Variants in HTR1F observed in about 807,000 individuals in gnomAD.
HTR1F encodes the protein 5-hydroxytryptamine receptor 1F.
In HTR1F, 17 loss-of-function variants were observed where a neutral mutation model predicts 24.0. The observed-to-expected ratio is 0.71, with a 90% CI of 0.48 to 1.06. The LOEUF (loss-of-function observed/expected upper bound fraction) is 1.06, where lower values mean the gene tolerates loss of function less well. Ranked by LOEUF, HTR1F falls within the 50% of genes least tolerant of loss-of-function variation. The pLI, the probability that HTR1F is intolerant of heterozygous loss-of-function variation, is 0.00. For missense variants in HTR1F, 391 were observed against 427.8 expected, an observed-to-expected ratio of 0.91 and a Z score of 0.76; for synonymous variants, 186 against 156.8, an observed-to-expected ratio of 1.19 and a Z score of -1.39.
chr3:87,882,309 G>A (rs536173115), intron 2 of HTR1F, among the ~76,000 whole-genome samples: 1 of 152,294 alleles, frequency 6.6e-6, no homozygotes, highest in African/African-American at 2.4e-5. Context: ...TGATTCCTCA[G>A]GGATCTAGAA....
At chr3:87,953,847 T>C (rs1326470814) in intron 2 of HTR1F, among the ~76,000 whole-genome samples, 1 of 151,868 alleles carries the variant, frequency 6.6e-6, no homozygotes, top group Non-Finnish European at 1.5e-5. Context: ...TGGACCATTA[T>C]TCAGTCATTA....
chr3:87,919,407 A>C (rs1703963675), intron 2 of HTR1F, among the ~76,000 whole-genome samples: 1 of 152,144 alleles, frequency 6.6e-6, no homozygotes, highest in South Asian at 2.1e-4. Flanking sequence ...TTTGCACGGC[A>C]AAAGGAATAG....
intron 2 of HTR1F, among the ~76,000 whole-genome samples, chr3:87,958,262 G>A (rs1408530821): frequency 6.6e-6 from 1 of 151,398 alleles, no homozygotes; most frequent in Non-Finnish European, 1.5e-5. Context: ...GTGTTGTTTA[G>A]ATCCTTTATA....
chr3:87,892,860 G>A (rs1178529062), intron 2 of HTR1F, among the ~76,000 whole-genome samples: 1 of 151,744 alleles, frequency 6.6e-6, no homozygotes, highest in Non-Finnish European at 1.5e-5. Context: ...TATCACAATT[G>A]TTAAATAAAA....
chr3:87,822,186 T>C (rs1324694251), intron 2 of HTR1F, among the ~76,000 whole-genome samples, 62 bp downstream of exon 2: 1 of 149,236 alleles, frequency 6.7e-6, no homozygotes, highest in African/African-American at 2.5e-5. Flanking sequence ...AAAAAAAAAA[T>C]GTGGTAAATC....
At chr3:87,794,837 CTAGT>C (rs1195797285) in intron 1 of HTR1F, among the ~76,000 whole-genome samples, 2 of 152,072 alleles carry the variant, frequency 1.3e-5, no homozygotes, top group Admixed American at 6.5e-5. Context: ...AATATATTAA[CTAGT>C]TATATTGTTT....
At chr3:87,988,475 A>G (rs536803323) in intron 2 of HTR1F, among the ~76,000 whole-genome samples, 42 of 152,350 alleles carry the variant, frequency 2.8e-4, no homozygotes, top group African/African-American at 9.6e-4. Flanking sequence ...TAAATTTAGT[A>G]CTGTTAACCC....
chr3:87,928,123 G>A (rs1299730299), intron 2 of HTR1F, among the ~76,000 whole-genome samples: 3 of 148,332 alleles, frequency 2.0e-5, no homozygotes, highest in Non-Finnish European at 4.4e-5. Flanking sequence ...TCAGCTCACT[G>A]CAACCTCTGC....
At chr3:87,854,360 T>G (rs1364835446) in intron 2 of HTR1F, among the ~76,000 whole-genome samples, 1 of 152,038 alleles carries the variant, frequency 6.6e-6, no homozygotes, top group African/African-American at 2.4e-5. Context: ...TGAGACCTGT[T>G]TTTATTTCCA....
intron 2 of HTR1F, among the ~76,000 whole-genome samples, chr3:87,822,724 T>C (rs1704383477): frequency 6.6e-6 from 1 of 152,156 alleles, no homozygotes; most frequent in Non-Finnish European, 1.5e-5. Context: ...CATTCATAGC[T>C]TATCCATGTG....
At chr3:87,925,325 T>C (rs936791110) in intron 2 of HTR1F, among the ~76,000 whole-genome samples, 2 of 152,226 alleles carry the variant, frequency 1.3e-5, no homozygotes, top group African/African-American at 2.4e-5. Context: ...GTGGAGGCTG[T>C]TGTGGGTGCT....
intron 2 of HTR1F, among the ~76,000 whole-genome samples, chr3:87,877,982 T>A (rs1242102235): frequency 1.3e-5 from 2 of 152,200 alleles, no homozygotes; most frequent in Non-Finnish European, 2.9e-5. Flanking sequence ...TTATTTAAGT[T>A]CTTCTAAAAT....
chr3:87,874,337 T>C (rs1056870368), intron 2 of HTR1F, among the ~76,000 whole-genome samples: 1 of 152,070 alleles, frequency 6.6e-6, no homozygotes, highest in East Asian at 1.9e-4. Context: ...TTTATTTTCA[T>C]ACACTAACAA....
intron 2 of HTR1F, among the ~76,000 whole-genome samples, chr3:87,908,189 A>T (rs1703705754): frequency 6.6e-6 from 1 of 152,020 alleles, no homozygotes; most frequent in African/African-American, 2.4e-5. Flanking sequence ...GCCTTATATT[A>T]CTATTAATCT....
At chr3:87,953,574 T>C (rs1576083501) in intron 2 of HTR1F, among the ~76,000 whole-genome samples, 1 of 151,588 alleles carries the variant, frequency 6.6e-6, no homozygotes, top group Non-Finnish European at 1.5e-5. Flanking sequence ...GGCATACTTA[T>C]ATGTTGTTGG....
In HTR1F at chr3:87,798,528, C is replaced by A. The variant is rs191605186; in HGVS notation, c.-160+5686C>A. On this transcript the variant is annotated intron_variant, in intron 1 of 2. Coordinates refer to ENST00000319595, the MANE Select transcript of HTR1F (RefSeq NM_001322209.2). Reference sequence around the variant, plus strand: ...CAGAAAAACAGCAAAACTCTCATGACCCTGACCCCCCTCCACCCGCCGTAG... The same window carrying A: ...CAGAAAAACAGCAAAACTCTCATGAACCTGACCCCCCTCCACCCGCCGTAG... Among the ~76,000 whole-genome samples, 656 of 152,100 alleles carry A rather than the reference C, an allele frequency of 4.3e-3. 1 individual carries two copies. The highest frequency in any genetic ancestry group is 7.1e-3 in the Non-Finnish European group (484 of 67,990).
At chr3:87,954,537 T>C (rs17025201) in intron 2 of HTR1F, among the ~76,000 whole-genome samples, 40,122 of 151,432 alleles carry the variant, frequency 0.26, 5,744 homozygotes, top group African/African-American at 0.37. Context: ...TTCAACAATG[T>C]AAAAGTAGAA....
chr3:87,963,368 G>T (rs1268227440), intron 2 of HTR1F, among the ~76,000 whole-genome samples: 1 of 152,068 alleles, frequency 6.6e-6, no homozygotes, highest in South Asian at 2.1e-4. Flanking sequence ...CTCTAGGAAA[G>T]CTTCTTATAT....
chr3:87,889,203 A>G (rs1706025002), intron 2 of HTR1F, among the ~76,000 whole-genome samples: 1 of 152,114 alleles, frequency 6.6e-6, no homozygotes, highest in Admixed American at 6.6e-5. Context: ...TCAGATGCCC[A>G]GTCTTAAACT....
Sources: gnomAD v4.1 joint callset for allele counts (sites outside exome capture counted in the v4.1 genomes callset) on GRCh38, gnomAD v4.1.1 for gene constraint, MANE v1.5 for transcripts, NCBI Gene and HGNC (gene_info 2026-07-23, HGNC 2026-07-21) for gene names.